The following G6PC1 variants were observed in gnomAD, a reference collection of about 807,000 sequenced individuals.
G6PC1 encodes G-6-Pase.
In G6PC1, 23 loss-of-function variants were observed where a neutral mutation model predicts 30.4. The ratio of observed to expected loss-of-function variants is 0.76; its 90% confidence interval spans 0.55 to 1.07. The LOEUF (loss-of-function observed/expected upper bound fraction) is 1.07. Among genes scored for constraint, G6PC1 ranks in the 50% least tolerant of loss-of-function variants. The pLI, the probability that G6PC1 is intolerant of heterozygous loss-of-function variation, is 0.00. For synonymous variants in G6PC1, 163 were observed against 175.6 expected, an observed-to-expected ratio of 0.93 and a Z score of 0.57; for missense variants, 391 against 433.9, an observed-to-expected ratio of 0.90 and a Z score of 0.88.
At chr17:42,901,999 A>G (rs948502422) in intron 1 of G6PC1, among the ~76,000 whole-genome samples, 3 of 152,212 alleles carry the variant, frequency 2.0e-5, no homozygotes, top group East Asian at 1.9e-4. Context: ...AGTTACTGCT[A>G]TTTACAGAAA....
In G6PC1 at chr17:42,911,470, G is replaced by A. The variant is rs1212238430; in HGVS notation, c.*44G>A. ...TGTTTAAAGTCAACAACCATGCCAG[G>A]GATTGAGGAGGACTACTATTTGAAG... On this transcript the variant is annotated 3_prime_UTR_variant, in exon 5 of 5. Transcript: ENST00000253801. The A allele has an allele frequency of 6.2e-7, 1 of 1,613,032 alleles. No individual in the cohort carries two copies. The highest frequency in any genetic ancestry group is 8.5e-7 in the Non-Finnish European group (1 of 1,179,792).
At chr17:42,904,217 G>GA in intron 2 of G6PC1, 177 bp downstream of exon 2, 1 of 635,688 alleles carries the variant, frequency 1.6e-6, no homozygotes, top group Non-Finnish European at 2.9e-6. Context: ...AGTAGTATTG[G>GA]AAATCTGCCT....
intron 3 of G6PC1, 41 bp from the exon 4 acceptor site, chr17:42,909,262 T>A: frequency 7.1e-7 from 1 of 1,407,472 alleles, no homozygotes; most frequent in Non-Finnish European, 1.0e-6. Context: ...TGCTGAAGGA[T>A]CTGCACCTGT....
rs1356933523 is a variant in G6PC1 at position 42,911,218 on chromosome 17, G to T, written c.866G>T (p.Ser289Ile). 3.7e-6 allele frequency: 6 copies of T among 1,614,202 alleles called. No homozygotes were observed. The South Asian group carries it at 5.5e-5, about 15-fold the overall frequency. ...MYRESCKGKL[S>I]KWLPFRLSSI... ...AGGGAGAGCTGCAAGGGGAAACTCA[G>T]CAAGTGGCTCCCATTCCGCCTCAGC... The change falls in exon 5 of 5, where the codon AGC becomes ATC. Residue 289 changes from serine (S) to isoleucine (I), a missense_variant. Transcript: ENST00000253801.
intron 2 of G6PC1, 38 bp from the exon 3 acceptor site, chr17:42,907,485 C>G (rs776533959): frequency 3.8e-5 from 56 of 1,460,434 alleles, no homozygotes; most frequent in Non-Finnish European, 5.2e-5. Flanking sequence ...AGATGAGGAC[C>G]TTTTCACCTT....
intron 2 of G6PC1, 40 bp from the exon 3 acceptor site, chr17:42,907,483 A>T (rs935614385): frequency 7.1e-7 from 1 of 1,410,376 alleles, no homozygotes; most frequent in African/African-American, 1.4e-5. Context: ...CCAGATGAGG[A>T]CCTTTTCACC....
Position 42,911,715 on chromosome 17 carries a change from A to G in G6PC1, c.*289A>G. 2.1e-6 allele frequency: 1 copy of G among 479,712 alleles called. No homozygotes were observed. Among genetic ancestry groups the G allele is most frequent in the Non-Finnish European group, 3.8e-6 (1 of 261,126 alleles). 29.7% of individuals were successfully genotyped at this position (479,712 alleles called of 1,614,324 possible). A position where few individuals can be genotyped will look rare whatever the true frequency, so the allele number is the denominator to read the frequency against. On this transcript the variant is annotated 3_prime_UTR_variant, in exon 5 of 5. Coordinates refer to ENST00000253801, the MANE Select transcript of G6PC1 (RefSeq NM_000151.4). Reference sequence around the variant, plus strand: ...CTCTCTCTACTTGAATACTCTCACAAGTAGGGAGCTCACTCCCACTGGAAC... The same window carrying G: ...CTCTCTCTACTTGAATACTCTCACAGGTAGGGAGCTCACTCCCACTGGAAC...
rs201520075 is a variant in G6PC1 at position 42,911,009 on chromosome 17, C to T, written c.657C>T (p.Phe219=). The T allele has an allele frequency of 1.4e-4, 227 of 1,614,180 alleles. No homozygotes were observed. Among genetic ancestry groups the T allele is most frequent in the Non-Finnish European group, 1.8e-4 (217 of 1,180,008 alleles). The part of the protein sequence containing the change: ...YFLITFFLFS[F]AIGFYLLLKG... Reference sequence around the variant, plus strand: ...TCATTACCTTCTTCCTGTTCAGCTTCGCCATCGGATTTTATCTGCTGCTCA... The same window carrying T: ...TCATTACCTTCTTCCTGTTCAGCTTTGCCATCGGATTTTATCTGCTGCTCA... Residue 219 remains phenylalanine (F), a synonymous_variant, in exon 5 of 5, where the codon TTC becomes TTT. Coordinates refer to ENST00000253801, the MANE Select transcript of G6PC1 (RefSeq NM_000151.4).
chr17:42,911,205 A>G lies in G6PC1; in HGVS notation c.853A>G (p.Lys285Glu). 6.2e-7 allele frequency: 1 copy of G among 1,614,188 alleles called. No individual in the cohort carries two copies. The highest frequency in any genetic ancestry group is 2.2e-5 in the East Asian group (1 of 44,878). The change falls in exon 5 of 5, where the codon AAG becomes GAG. Residue 285 changes from lysine (K) to glutamate (E), a missense_variant. By Grantham distance (56) the Lys-to-Glu change is moderately conservative (BLOSUM62 1). Coordinates refer to ENST00000253801, the MANE Select transcript of G6PC1 (RefSeq NM_000151.4). ...LNSSMYRESC[K>E]GKLSKWLPFR... ...CTCCAGCATGTACAGGGAGAGCTGC[A>G]AGGGGAAACTCAGCAAGTGGCTCCC...
Position 42,911,381 on chromosome 17 carries a change from C to T in G6PC1, c.1029C>T (p.Tyr343=), listed in dbSNP as rs1019836830. ...TGGCATCCGTCAGTGTCATCCCCTA[C>T]TGCCTCGCCCAGGTCCTGGGCCAGC... ...VPLASVSVIP[Y]CLAQVLGQPH... The change falls in exon 5 of 5, where the codon TAC becomes TAT. Residue 343 remains tyrosine (Y), a synonymous_variant. Coordinates refer to ENST00000253801, the MANE Select transcript of G6PC1 (RefSeq NM_000151.4). 1.2e-6 allele frequency: 2 copies of T among 1,614,126 alleles called. No homozygotes were observed. The highest frequency in any genetic ancestry group is 2.2e-5 in the East Asian group (1 of 44,904).
In G6PC1 at chr17:42,909,295, T is replaced by C; in HGVS notation, c.447-8T>C. Reference sequence around the variant, plus strand: ...TGTGTTCTGTTATGGTTGCCTCTTCTGTTGCAGGTGCTTGAATGTCATTTT... The same window carrying C: ...TGTGTTCTGTTATGGTTGCCTCTTCCGTTGCAGGTGCTTGAATGTCATTTT... On this transcript the variant is annotated splice_polypyrimidine_tract_variant and splice_region_variant and intron_variant, in intron 3 of 4. Transcript: ENST00000253801. 2 of 1,600,424 alleles carry C rather than the reference T, an allele frequency of 1.2e-6. No homozygotes were observed. Among genetic ancestry groups the C allele is most frequent in the East Asian group, 4.5e-5 (2 of 44,814 alleles).
Position 42,911,505 on chromosome 17 carries a change from C to G in G6PC1, c.*79C>G. ...GGACTACTATTTGAAGCAATGGGCACTGGTATTTGGAGCAAGTGACATGCC... is the reference window on the plus strand; with the variant it reads ...GGACTACTATTTGAAGCAATGGGCAGTGGTATTTGGAGCAAGTGACATGCC... On this transcript the variant is annotated 3_prime_UTR_variant, in exon 5 of 5. Transcript: ENST00000253801. The G allele has an allele frequency of 6.3e-7, 1 of 1,595,754 alleles. No homozygotes were observed. The highest frequency in any genetic ancestry group is 8.6e-7 in the Non-Finnish European group (1 of 1,168,168).
At position 42,911,452 on chromosome 17, in the gene G6PC1, A is replaced by G. The variant is rs372909414; in HGVS notation, c.*26A>G. On this transcript the variant is annotated 3_prime_UTR_variant, in exon 5 of 5. Transcript: ENST00000253801. ...GAGATGTGGAGTCTTCGGTGTTTAA[A>G]GTCAACAACCATGCCAGGGATTGAG... The G allele has an allele frequency of 2.3e-4, 364 of 1,613,838 alleles. No individual in the cohort carries two copies. The highest frequency in any genetic ancestry group is 2.8e-4 in the Non-Finnish European group (333 of 1,180,034).
rs2056092619 is a variant in G6PC1, at chr17:42,911,108, CA to C, written c.757del (p.Ile253LeufsTer48). The C allele has an allele frequency of 6.2e-7, 1 of 1,614,026 alleles. No homozygotes were observed. Among genetic ancestry groups the C allele is most frequent in the Non-Finnish European group, 8.5e-7 (1 of 1,180,036 alleles). ...GGTGCGAGCAGCCAGAATGGGTCCA[CA>C]TTGACACCACACCCTTTGCCAGCCT... The part of the protein sequence containing the change: ...RWCEQPEWVH[I>X]DTTPFASLLK... On this transcript the variant is annotated frameshift_variant, in exon 5 of 5. Coordinates refer to ENST00000253801, the MANE Select transcript of G6PC1 (RefSeq NM_000151.4). LOFTEE classifies it high-confidence loss of function.
At chr17:42,901,139 A>G (rs1252329252) in intron 1 of G6PC1, 33 bp downstream of exon 1, 1 of 1,573,504 alleles carries the variant, frequency 6.4e-7, no homozygotes. Flanking sequence ...ATCAGCAAGA[A>G]AAGAGGCTGG....
intron 3 of G6PC1, among the ~76,000 whole-genome samples, chr17:42,908,318 C>G (rs563034397): frequency 6.6e-6 from 1 of 152,060 alleles, no homozygotes; most frequent in Admixed American, 6.6e-5. Flanking sequence ...CATGAGCCAC[C>G]GCGCCAGCCA....
Position 42,913,884 on chromosome 17 carries a change from T to A in G6PC1, c.*2458T>A, listed in dbSNP as rs1170443817. 6.6e-6 allele frequency among the ~76,000 whole-genome samples: 1 copy of A among 152,144 alleles called. No individual in the cohort carries two copies. Among genetic ancestry groups the A allele is most frequent in the Admixed American group, 6.6e-5 (1 of 15,266 alleles). On this transcript the variant is annotated 3_prime_UTR_variant, in exon 5 of 5. Coordinates refer to ENST00000253801, the MANE Select transcript of G6PC1 (RefSeq NM_000151.4). ...TTTCTCTGCTAAGAGATTTATTTCA[T>A]CCTGGGTGCAGGGTTCGACCTCCAA... is the stretch of plus-strand genomic sequence containing the variant.
At chr17:42,906,792 A>G (rs1597989609) in intron 2 of G6PC1, among the ~76,000 whole-genome samples, 1 of 151,944 alleles carries the variant, frequency 6.6e-6, no homozygotes, top group Non-Finnish European at 1.5e-5. Flanking sequence ...AGGTGGGAGG[A>G]TTGCTTGAGT....
In G6PC1 at chr17:42,910,973, G is replaced by T; in HGVS notation, c.621G>T (p.Lys207Asn). Residue 207 changes from lysine to asparagine, a missense_variant, in exon 5 of 5, where the codon AAG becomes AAT. By Grantham distance (94) the Lys-to-Asn change is moderately conservative. Transcript: ENST00000253801. ...HIHSIYNASLKKYFLITFFLF... is the reference protein window; with the variant it reads ...HIHSIYNASLNKYFLITFFLF... ...ACAGCATCTATAATGCCAGCCTCAA[G>T]AAATATTTTCTCATTACCTTCTTCC... is the stretch of plus-strand genomic sequence containing the variant. 6.2e-7 allele frequency: 1 copy of T among 1,614,164 alleles called. No homozygotes were observed. Among genetic ancestry groups the T allele is most frequent in the African/African-American group, 1.3e-5 (1 of 75,032 alleles).
Sources: gnomAD v4.1 joint callset for allele counts (sites outside exome capture counted in the v4.1 genomes callset) on GRCh38, gnomAD v4.1.1 for gene constraint, MANE v1.5 for transcripts, NCBI Gene and HGNC (gene_info 2026-07-23, HGNC 2026-07-21) for gene names.